LRMDA: variants seen among roughly 807,000 people sequenced by gnomAD.
LRMDA encodes leucine rich melanocyte differentiation associated.
Under a neutral mutation model 29.8 loss-of-function variants are expected in LRMDA, and 18 were observed. The observed-to-expected ratio is 0.60, with a 90% CI of 0.42 to 0.90. The LOEUF (loss-of-function observed/expected upper bound fraction) is 0.90, where lower values mean the gene tolerates loss of function less well. LRMDA is among the 40% of genes least tolerant of loss of function. The pLI, the probability that LRMDA is intolerant of heterozygous loss-of-function variation, is 0.00. For missense variants in LRMDA, 273 were observed against 273.9 expected (o/e 1.00, Z 0.02); for synonymous variants, 125 against 109.4 (o/e 1.14, Z -0.89).
At chr10:75,834,822 A>G (rs990761393) in intron 2 of LRMDA, among the ~76,000 whole-genome samples, 15 of 152,136 alleles carry the variant, frequency 9.9e-5, no homozygotes, top group Non-Finnish European at 1.8e-4. Flanking sequence ...TGATTTGGGT[A>G]TTCTCTAAGA....
chr10:75,752,208 CTTTTTT>C (rs780364065), intron 2 of LRMDA, among the ~76,000 whole-genome samples: 1 of 113,136 alleles, frequency 8.8e-6, no homozygotes, highest in Admixed American at 9.3e-5. Context: ...TAACGTGTCT[CTTTTTT>C]TTTTTTTTTT....
chr10:75,931,832 G>A (rs1846210734), intron 2 of LRMDA, among the ~76,000 whole-genome samples: 1 of 152,158 alleles, frequency 6.6e-6, no homozygotes, highest in African/African-American at 2.4e-5. Flanking sequence ...TACTCAGGGT[G>A]TGCAATGTTA....
intron 6 of LRMDA, among the ~76,000 whole-genome samples, chr10:76,422,755 T>C (rs965874957): frequency 6.6e-6 from 1 of 152,236 alleles, no homozygotes; most frequent in East Asian, 1.9e-4. Context: ...AGTGAAAGGT[T>C]TGCTGTTGTT....
At chr10:76,393,230 A>T (rs905436617) in intron 6 of LRMDA, among the ~76,000 whole-genome samples, 3 of 152,128 alleles carry the variant, frequency 2.0e-5, no homozygotes, top group Admixed American at 6.5e-5. Flanking sequence ...TATGTATAAT[A>T]ACTGTATTTT....
At chr10:75,898,674 G>C (rs1012520294) in intron 2 of LRMDA, among the ~76,000 whole-genome samples, 1 of 152,124 alleles carries the variant, frequency 6.6e-6, no homozygotes, top group Admixed American at 6.5e-5. Context: ...CCAGGTTTTA[G>C]ATTGTCCCAA....
intron 6 of LRMDA, among the ~76,000 whole-genome samples, chr10:76,538,492 T>TTA (rs58014799): frequency 0.065 from 8,956 of 137,374 alleles, 454 homozygotes; most frequent in African/African-American, 0.13. Context: ...ATTTATATAG[T>TTA]TATATATGTA....
intron 2 of LRMDA, among the ~76,000 whole-genome samples, chr10:75,843,631 C>T (rs1040130710): frequency 2.0e-5 from 3 of 152,118 alleles, no homozygotes; most frequent in Non-Finnish European, 4.4e-5. Flanking sequence ...AGTATAAATC[C>T]GTGTGCAAAG....
chr10:75,566,193 C>T (rs187114417), intron 2 of LRMDA, among the ~76,000 whole-genome samples: 73 of 152,318 alleles, frequency 4.8e-4, no homozygotes, highest in African/African-American at 1.7e-3. Flanking sequence ...TCTTTTGATT[C>T]TTGATTCCCA....
intron 2 of LRMDA, among the ~76,000 whole-genome samples, chr10:75,866,793 C>T (rs956644337): frequency 1.3e-5 from 2 of 152,154 alleles, no homozygotes; most frequent in African/African-American, 4.8e-5. Flanking sequence ...GAAAGCCAGC[C>T]CACATGTCAA....
At chr10:76,364,184 G>A (rs1841362107) in intron 6 of LRMDA, among the ~76,000 whole-genome samples, 1 of 152,064 alleles carries the variant, frequency 6.6e-6, no homozygotes, top group African/African-American at 2.4e-5. Flanking sequence ...ATACATAAGG[G>A]CCTAGGAGAG....
chr10:76,143,026 A>G (rs371341333), intron 5 of LRMDA, among the ~76,000 whole-genome samples: 1 of 152,056 alleles, frequency 6.6e-6, no homozygotes, highest in Non-Finnish European at 1.5e-5. Context: ...TGAACGCATC[A>G]TTTTTTATGG....
At chr10:76,134,493 A>C (rs1381851868) in intron 5 of LRMDA, among the ~76,000 whole-genome samples, 1 of 152,168 alleles carries the variant, frequency 6.6e-6, no homozygotes, top group Non-Finnish European at 1.5e-5. Context: ...TTTCCTGGGG[A>C]CACTATTATA....
intron 2 of LRMDA, among the ~76,000 whole-genome samples, chr10:75,748,261 T>G (rs1842912735): frequency 6.6e-6 from 1 of 152,140 alleles, no homozygotes; most frequent in Non-Finnish European, 1.5e-5. Flanking sequence ...ACCTGGCTAA[T>G]TTTTGTATTT....
chr10:75,544,690 G>GTT (rs527945686), intron 2 of LRMDA, among the ~76,000 whole-genome samples: 1 of 146,896 alleles, frequency 6.8e-6, no homozygotes, highest in Non-Finnish European at 1.5e-5. Context: ...AAACTTTCTT[G>GTT]TTTTTTTTTT....
At chr10:75,946,208 G>C (rs1285344385) in intron 2 of LRMDA, among the ~76,000 whole-genome samples, 2 of 152,208 alleles carry the variant, frequency 1.3e-5, no homozygotes, top group South Asian at 2.1e-4. Context: ...GCAGACAGCT[G>C]CCTGGTGGAC....
intron 5 of LRMDA, among the ~76,000 whole-genome samples, chr10:76,159,292 C>T (rs1286375902): frequency 2.0e-5 from 3 of 152,152 alleles, no homozygotes; most frequent in African/African-American, 7.2e-5. Flanking sequence ...ATGAGTGCCA[C>T]ATCTTCTGTC....
Position 75,604,035 on chromosome 10 carries a change from T to C in LRMDA, c.131+165541T>C, listed in dbSNP as rs1840922321. ...TTGGGTTCTAGCCTTTCCCCATACA[T>C]TGTAATGATGAGCAAGTCATTTGAC... On this transcript the variant is annotated intron_variant, in intron 2 of 6. Transcript: ENST00000611255. 2.6e-5 allele frequency among the ~76,000 whole-genome samples: 4 copies of C among 152,260 alleles called. No individual in the cohort carries two copies. The South Asian group carries it at 8.3e-4, about 32-fold the overall frequency.
At chr10:76,097,159 T>C (rs774915293) in intron 5 of LRMDA, among the ~76,000 whole-genome samples, 1 of 152,108 alleles carries the variant, frequency 6.6e-6, no homozygotes, top group Admixed American at 6.6e-5. Flanking sequence ...TACAGGCATG[T>C]GCCACCATGC....
intron 2 of LRMDA, among the ~76,000 whole-genome samples, chr10:75,464,488 T>C (rs763885609): frequency 4.4e-4 from 67 of 152,138 alleles, no homozygotes; most frequent in Non-Finnish European, 1.3e-4. Flanking sequence ...AAGGATGAGA[T>C]GGAGGAAGGG....
Sources: gnomAD v4.1 joint callset for allele counts (sites outside exome capture counted in the v4.1 genomes callset) on GRCh38, gnomAD v4.1.1 for gene constraint, MANE v1.5 for transcripts, NCBI Gene and HGNC (gene_info 2026-07-23, HGNC 2026-07-21) for gene names.